The following SORCS2 variants were observed in gnomAD, a reference collection of about 807,000 sequenced individuals.
The protein encoded by SORCS2 is VPS10 domain-containing receptor SorCS2.
SORCS2 carries 100 observed loss-of-function variants against 141.6 expected under a neutral mutation model. The ratio of observed to expected loss-of-function variants is 0.71; its 90% CI spans 0.60 to 0.83. The LOEUF (loss-of-function observed/expected upper bound fraction) is 0.83, where lower values mean the gene tolerates loss of function less well. Among genes scored for constraint, SORCS2 ranks in the 40% least tolerant of loss-of-function variants. The pLI, the probability that SORCS2 is intolerant of heterozygous loss-of-function variation, is 0.00. For synonymous variants in SORCS2, 789 were observed against 676.9 expected (o/e 1.17, Z -2.57); for missense variants, 1,646 against 1,560.2 (o/e 1.05, Z -0.93).
intron 3 of SORCS2, among the ~76,000 whole-genome samples, chr4:7,578,341 C>G (rs527899988): frequency 5.3e-5 from 8 of 152,274 alleles, no homozygotes; most frequent in African/African-American, 1.9e-4. Context: ...GTCAGATATT[C>G]TGTTTATGGC....
At chr4:7,387,618 T>TGCAC (rs773934076) in intron 1 of SORCS2, among the ~76,000 whole-genome samples, 11 of 117,352 alleles carry the variant, frequency 9.4e-5, no homozygotes, top group Non-Finnish European at 1.7e-4. Context: ...TGCACACACA[T>TGCAC]ACACATTTGC....
At chr4:7,319,648 A>G (rs1035905476) in intron 1 of SORCS2, among the ~76,000 whole-genome samples, 1 of 152,210 alleles carries the variant, frequency 6.6e-6, no homozygotes, top group Non-Finnish European at 1.5e-5. Flanking sequence ...CAGAAGATTG[A>G]GGCTGCAGTG....
At chr4:7,529,190 C>G (rs1005506634) in intron 2 of SORCS2, among the ~76,000 whole-genome samples, 7 of 152,206 alleles carry the variant, frequency 4.6e-5, no homozygotes, top group African/African-American at 9.6e-5. Flanking sequence ...CACAACCTCT[C>G]TCCTTCCTTC....
At chr4:7,516,094 C>T (rs1732962173) in intron 2 of SORCS2, among the ~76,000 whole-genome samples, 1 of 152,192 alleles carries the variant, frequency 6.6e-6, no homozygotes, top group Admixed American at 6.5e-5. Flanking sequence ...TTCAAGCATT[C>T]ATTCCACCCG....
At chr4:7,248,751 T>G (rs1713293984) in intron 1 of SORCS2, among the ~76,000 whole-genome samples, 1 of 152,218 alleles carries the variant, frequency 6.6e-6, no homozygotes, top group Admixed American at 6.5e-5. Flanking sequence ...TAATCAGACT[T>G]TGGCAAAAAT....
intron 1 of SORCS2, among the ~76,000 whole-genome samples, chr4:7,203,241 G>C (rs936068558): frequency 1.3e-5 from 2 of 152,214 alleles, no homozygotes; most frequent in African/African-American, 2.4e-5. Context: ...AGATCAGCCT[G>C]GCCAACATGG....
chr4:7,665,998 G>A (rs530902366), intron 7 of SORCS2, among the ~76,000 whole-genome samples: 160 of 152,262 alleles, frequency 1.1e-3, no homozygotes, highest in African/African-American at 3.5e-3. Context: ...GTGGGCTGCA[G>A]GAGGTGATTT....
At chr4:7,654,377 C>G (rs1263410217) in intron 5 of SORCS2, among the ~76,000 whole-genome samples, 170 bp downstream of exon 5, 1 of 152,230 alleles carries the variant, frequency 6.6e-6, no homozygotes, top group African/African-American at 2.4e-5. Context: ...CCCACACCCT[C>G]CTCATCCCAG....
chr4:7,696,792 C>A (rs965914990), intron 11 of SORCS2, among the ~76,000 whole-genome samples: 1 of 152,372 alleles, frequency 6.6e-6, no homozygotes, highest in African/African-American at 2.4e-5. Context: ...TGCCCAGGAG[C>A]TGTCTCCAAA....
In SORCS2 at chr4:7,740,325, G is replaced by GCCAGTCCAGCC; in HGVS notation, c.*61_*62insCCAGTCCAGCC. ...GCACAGAACCACCAGCAAAGCCGGC[G>GCCAGTCCAGCC]GCTGGACTGGCGCCCCTCAGAGACC... On this transcript the variant is annotated 3_prime_UTR_variant, in exon 27 of 27. Coordinates refer to ENST00000507866, the MANE Select transcript of SORCS2 (RefSeq NM_020777.3). The GCCAGTCCAGCC allele has an allele frequency of 6.7e-7, 1 of 1,491,898 alleles. No homozygotes were observed. The highest frequency in any genetic ancestry group is 1.2e-5 in the South Asian group (1 of 85,658). The allele number at this position is 1,491,898 out of a possible 1,614,324, so 92.4% of individuals were successfully genotyped here.
intron 1 of SORCS2, among the ~76,000 whole-genome samples, chr4:7,367,480 T>C (rs1294961496): frequency 2.6e-5 from 4 of 152,182 alleles, no homozygotes; most frequent in Non-Finnish European, 5.9e-5. Context: ...TGCAGGGTGG[T>C]TGTGGGAGCA....
At chr4:7,264,191 G>A (rs1714562236) in intron 1 of SORCS2, among the ~76,000 whole-genome samples, 1 of 152,228 alleles carries the variant, frequency 6.6e-6, no homozygotes, top group Non-Finnish European at 1.5e-5. Flanking sequence ...AGATGTGATT[G>A]GCTGGGGGCA....
At chr4:7,285,315 G>C (rs1458297358) in intron 1 of SORCS2, among the ~76,000 whole-genome samples, 1 of 152,034 alleles carries the variant, frequency 6.6e-6, no homozygotes, top group Non-Finnish European at 1.5e-5. Flanking sequence ...TTACAGGTGT[G>C]AGCCACCACG....
At chr4:7,733,297 C>T in intron 23 of SORCS2, 25 bp from the exon 24 acceptor site, 2 of 1,516,178 alleles carry the variant, frequency 1.3e-6, no homozygotes, top group Non-Finnish European at 8.9e-7. Context: ...GGAGGCCTCA[C>T]TCACTGTCCC....
chr4:7,544,083 T>TG (rs1713058465), intron 3 of SORCS2, among the ~76,000 whole-genome samples: 2 of 143,094 alleles, frequency 1.4e-5, no homozygotes, highest in African/African-American at 2.6e-5. Flanking sequence ...CATCCATCCA[T>TG]CCATCCACCC....
At chr4:7,558,638 C>T (rs1714306293) in intron 3 of SORCS2, among the ~76,000 whole-genome samples, 1 of 152,180 alleles carries the variant, frequency 6.6e-6, no homozygotes, top group African/African-American at 2.4e-5. Context: ...AGTGATGTGC[C>T]AAGCCTATGA....
rs75074496 is a variant in SORCS2, at chr4:7,508,771, C to T, written c.549-22759C>T. The stretch of plus-strand genomic sequence containing the variant: ...TGCATTTTTAAAAATGGCTGTAGCA[C>T]GCATCAGTGCTCAGAGAAGAGGCCC... On this transcript the variant is annotated intron_variant, in intron 2 of 26. Transcript: ENST00000507866. Among the ~76,000 whole-genome samples the T allele has an allele frequency of 3.6e-3, 546 of 152,218 alleles. 6 individuals are homozygous for T. The highest frequency in any genetic ancestry group is 0.012 in the African/African-American group (485 of 41,528).
intron 1 of SORCS2, among the ~76,000 whole-genome samples, chr4:7,220,261 G>A (rs1728626580): frequency 6.6e-6 from 1 of 152,000 alleles, no homozygotes; most frequent in Non-Finnish European, 1.5e-5. Flanking sequence ...ATTAACCAAG[G>A]CTTGGGGGAG....
At chr4:7,389,571 C>T (rs1004638123) in intron 1 of SORCS2, among the ~76,000 whole-genome samples, 1 of 152,206 alleles carries the variant, frequency 6.6e-6, no homozygotes, top group Non-Finnish European at 1.5e-5. Flanking sequence ...ATCATTCTGA[C>T]ACTCCCTGTG....
Sources: allele counts gnomAD v4.1 joint callset (sites outside exome capture counted in the v4.1 genomes callset), GRCh38; gene constraint gnomAD v4.1.1; transcripts MANE v1.5; gene names NCBI Gene and HGNC (gene_info 2026-07-23, HGNC 2026-07-21).